Variants in ASIC5 observed in about 807,000 individuals in gnomAD.
ASIC5 encodes the protein acid sensing ion channel subunit family member 5, also known as bile acid-sensitive ion channel.
In ASIC5, 52 loss-of-function variants were observed where a neutral mutation model predicts 51.2. The ratio of observed to expected loss-of-function variants is 1.02; its 90% CI spans 0.81 to 1.28. ASIC5 has a LOEUF of 1.28. Ranked by LOEUF, ASIC5 falls within the 50% of genes most tolerant of loss-of-function variation. The pLI, the probability that ASIC5 is intolerant of heterozygous loss-of-function variation, is 0.00. For synonymous variants in ASIC5, 231 were observed against 200.7 expected (o/e 1.15, Z -1.28); for missense variants, 635 against 595.0 (o/e 1.07, Z -0.70).
intron 6 of ASIC5, among the ~76,000 whole-genome samples, chr4:155,841,633 T>G (rs1270076404): frequency 6.6e-6 from 1 of 152,146 alleles, no homozygotes; most frequent in African/African-American, 2.4e-5. Context: ...AGAAAATAAC[T>G]TTTCAACAGT....
At chr4:155,835,020 A>G (rs1426027068) in intron 8 of ASIC5, among the ~76,000 whole-genome samples, 3 of 151,620 alleles carry the variant, frequency 2.0e-5, no homozygotes, top group Admixed American at 1.3e-4. Flanking sequence ...CACCTCCACC[A>G]CTCAATAAAA....
intron 5 of ASIC5, among the ~76,000 whole-genome samples, chr4:155,843,167 A>G (rs1029929348): frequency 3.9e-5 from 6 of 152,150 alleles, no homozygotes; most frequent in Non-Finnish European, 7.4e-5. Flanking sequence ...TCCTGTGTCT[A>G]TCAATGGTAA....
rs1272326440 is a variant in ASIC5 at position 155,863,479 on chromosome 4, A to G, written c.316T>C (p.Phe106Leu). ...AAATTACAAAATGTCACAGCTGGGAACTCCATCTTTTCCACATATTGAACC... is the reference window on the plus strand; with the variant it reads ...AAATTACAAAATGTCACAGCTGGGAGCTCCATCTTTTCCACATATTGAACC... Reference protein sequence around the residue: ...IEVQYVEKMEFPAVTFCNLNR... With the variant: ...IEVQYVEKMELPAVTFCNLNR... Residue 106 changes from phenylalanine (F) to leucine (L), a missense_variant, in exon 2 of 10, where the codon TTC becomes CTC. Phe to Leu is a conservative substitution (Grantham distance 22, BLOSUM62 0). Coordinates refer to ENST00000537611, the MANE Select transcript of ASIC5 (RefSeq NM_017419.3). 6.8e-6 allele frequency: 11 copies of G among 1,613,290 alleles called. No individual in the cohort carries two copies. In the South Asian group the frequency reaches 9.9e-5, roughly 15 times the overall value.
At chr4:155,843,410 C>T (rs1055074992) in intron 5 of ASIC5, among the ~76,000 whole-genome samples, 7 of 152,060 alleles carry the variant, frequency 4.6e-5, no homozygotes, top group Admixed American at 1.3e-4. Flanking sequence ...CATAGCTCAG[C>T]AACTTAGGTA....
At chr4:155,856,352 T>C (rs757263270) in intron 2 of ASIC5, among the ~76,000 whole-genome samples, 4 of 152,070 alleles carry the variant, frequency 2.6e-5, no homozygotes, top group Non-Finnish European at 2.9e-5. Context: ...CCATATTAAA[T>C]CCTTTCTCAG....
intron 2 of ASIC5, among the ~76,000 whole-genome samples, chr4:155,858,377 CTA>C (rs1741601519): frequency 6.6e-6 from 1 of 151,898 alleles, no homozygotes; most frequent in Non-Finnish European, 1.5e-5. Flanking sequence ...ACAAGTAAAA[CTA>C]GACTAATATG....
At chr4:155,863,370 A>G (rs1259448600) in intron 2 of ASIC5, 78 bp downstream of exon 2, 1 of 1,165,250 alleles carries the variant, frequency 8.6e-7, no homozygotes, top group Non-Finnish European at 1.2e-6. Context: ...ACATGAGAAA[A>G]CTCTTTGTCA....
At chr4:155,852,169 GA>G (rs781088173) in intron 4 of ASIC5, 21 bp downstream of exon 4, 33 of 1,611,438 alleles carry the variant, frequency 2.0e-5, no homozygotes, top group Non-Finnish European at 2.8e-5. Context: ...CGTTTGTCTT[GA>G]ACCTGGAGAA....
At chr4:155,866,121 T>A in intron 1 of ASIC5, 66 bp downstream of exon 1, 1 of 1,026,146 alleles carries the variant, frequency 9.7e-7, no homozygotes, top group African/African-American at 1.6e-5. Flanking sequence ...AAAATCTCTC[T>A]TTTCTTACTT....
Position 155,836,735 on chromosome 4 carries a change from A to G in ASIC5, c.1189T>C (p.Leu397=). 6.2e-7 allele frequency: 1 copy of G among 1,611,870 alleles called. No individual in the cohort carries two copies. The change falls in exon 8 of 10, where the codon TTG becomes CTG. Residue 397 remains leucine, a synonymous_variant. Transcript: ENST00000537611. The part of the protein sequence containing the change: ...SYSSFPSQKA[L]KYLSKKLNQS... ...TTCAACTTCTTGGAAAGATATTTCA[A>G]AGCTTTTTGACTTGGAAAAGAGGAA...
At chr4:155,857,601 A>G (rs1419283158) in intron 2 of ASIC5, among the ~76,000 whole-genome samples, 3 of 152,098 alleles carry the variant, frequency 2.0e-5, no homozygotes, top group Non-Finnish European at 4.4e-5. Flanking sequence ...ACCAGTTATT[A>G]GATATGTCTT....
chr4:155,830,059 C>A lies in ASIC5; in HGVS notation c.1328-13G>T. 8.1e-6 allele frequency: 12 copies of A among 1,484,006 alleles called. No individual in the cohort carries two copies. Among genetic ancestry groups the A allele is most frequent in the Non-Finnish European group, 1.1e-5 (12 of 1,116,320 alleles). 91.9% of individuals were successfully genotyped at this position (1,484,006 alleles called of 1,614,324 possible). On this transcript the variant is annotated splice_polypyrimidine_tract_variant and intron_variant, in intron 9 of 9. Transcript: ENST00000537611. ...CCACCAAGATCTGCTGTAATAAAAC[C>A]AATAAAGATTGAATGTCATTATTTT...
Position 155,863,475 on chromosome 4 carries a change from G to A in ASIC5, c.320C>T (p.Pro107Leu). 1.9e-6 allele frequency: 3 copies of A among 1,613,212 alleles called. No individual in the cohort carries two copies. Among genetic ancestry groups the A allele is most frequent in the Middle Eastern group, 3.3e-4 (2 of 6,056 alleles). The part of the protein sequence containing the change: ...EVQYVEKMEF[P>L]AVTFCNLNRF... ...GTTCAAATTACAAAATGTCACAGCT[G>A]GGAACTCCATCTTTTCCACATATTG... Residue 107 changes from proline to leucine, a missense_variant, in exon 2 of 10, where the codon CCA (proline) becomes CTA (leucine). Physicochemically the swap from Pro to Leu is moderately conservative, Grantham distance 98. Coordinates refer to ENST00000537611, the MANE Select transcript of ASIC5 (RefSeq NM_017419.3).
intron 8 of ASIC5, 93 bp downstream of exon 8, chr4:155,836,596 T>C (rs1377538733): frequency 1.4e-5 from 11 of 773,966 alleles, no homozygotes; most frequent in East Asian, 1.3e-4. Flanking sequence ...CCTTGATTGA[T>C]TAGAATTTCA....
intron 7 of ASIC5, among the ~76,000 whole-genome samples, chr4:155,837,601 G>A (rs566113173): frequency 6.6e-6 from 1 of 152,156 alleles, no homozygotes; most frequent in Middle Eastern, 3.4e-3. Flanking sequence ...TGAATCAGTT[G>A]TTTACCAAGA....
At chr4:155,846,997 T>A (rs1741264555) in intron 4 of ASIC5, among the ~76,000 whole-genome samples, 2 of 151,996 alleles carry the variant, frequency 1.3e-5, no homozygotes, top group South Asian at 4.1e-4. Flanking sequence ...ATAAGGAGGT[T>A]TTTTTGTGGT....
rs779293992 is a variant in ASIC5 at position 155,829,819 on chromosome 4, T to A, written c.*37A>T. On this transcript the variant is annotated 3_prime_UTR_variant, in exon 10 of 10. Transcript: ENST00000537611. ...GAATTAGTCAAGATAAATCTGAAGGTATCATGAAAAGGAAACTATTTTATT... is the reference window on the plus strand; with the variant it reads ...GAATTAGTCAAGATAAATCTGAAGGAATCATGAAAAGGAAACTATTTTATT... The A allele has an allele frequency of 6.2e-6, 8 of 1,300,270 alleles. No individual in the cohort carries two copies. Among genetic ancestry groups the A allele is most frequent in the Admixed American group, 5.2e-5 (2 of 38,318 alleles). 80.5% of individuals were successfully genotyped at this position (1,300,270 alleles called of 1,614,324 possible).
At chr4:155,861,239 G>T (rs969047360) in intron 2 of ASIC5, among the ~76,000 whole-genome samples, 1 of 151,894 alleles carries the variant, frequency 6.6e-6, no homozygotes, top group South Asian at 2.1e-4. Flanking sequence ...TTGTTGAGTA[G>T]AGTGTTCTAA....
At chr4:155,842,394 A>G in intron 5 of ASIC5, 40 bp from the exon 6 acceptor site, 1 of 1,488,828 alleles carries the variant, frequency 6.7e-7, no homozygotes, top group Non-Finnish European at 9.1e-7. Flanking sequence ...AGATGTGTTT[A>G]CATCAATTCA....
Sources: gnomAD v4.1 joint callset for allele counts (sites outside exome capture counted in the v4.1 genomes callset) on GRCh38, gnomAD v4.1.1 for gene constraint, MANE v1.5 for transcripts, NCBI Gene and HGNC (gene_info 2026-07-23, HGNC 2026-07-21) for gene names.